Variants in MAPRE2 observed in about 807,000 individuals in gnomAD.
MAPRE2 encodes microtubule-associated protein RP/EB family member 2.
A neutral mutation model predicts 43.2 loss-of-function variants in MAPRE2; 13 were observed. That is an observed-to-expected ratio of 0.30 (90% CI 0.20 to 0.48). The LOEUF (loss-of-function observed/expected upper bound fraction) is 0.48, where lower values mean the gene tolerates loss of function less well. Among genes scored for constraint, MAPRE2 ranks in the 20% least tolerant of loss-of-function variants. MAPRE2 has a pLI of 0.99. For synonymous variants in MAPRE2, 135 were observed against 148.8 expected (o/e 0.91, Z 0.68); for missense variants, 161 against 400.2 (o/e 0.40, Z 5.10).
At chr18:34,985,541 T>C (rs1222803931) in intron 1 of MAPRE2, among the ~76,000 whole-genome samples, 2 of 64,432 alleles carry the variant, frequency 3.1e-5, no homozygotes, top group African/African-American at 6.7e-5. Flanking sequence ...ATATAATATA[T>C]AATATATATA....
intron 1 of MAPRE2, among the ~76,000 whole-genome samples, chr18:35,002,879 G>A (rs1383982596): frequency 6.6e-6 from 1 of 152,018 alleles, no homozygotes; most frequent in African/African-American, 2.4e-5. Flanking sequence ...CTTCACATGG[G>A]CAAAAGTTTT....
At chr18:34,978,644 C>T in intron 1 of MAPRE2, 2 of 993,504 alleles carry the variant, frequency 2.0e-6, no homozygotes, top group Non-Finnish European at 3.1e-6. Context: ...TAGCCAGTGT[C>T]CCCTCTGGAA....
chr18:35,110,427 A>G (rs548511885), intron 4 of MAPRE2, among the ~76,000 whole-genome samples: 1 of 152,242 alleles, frequency 6.6e-6, no homozygotes, highest in Admixed American at 6.5e-5. Flanking sequence ...TGGCTACTAG[A>G]AAACTTATGT....
intron 2 of MAPRE2, among the ~76,000 whole-genome samples, chr18:35,029,939 T>C (rs1464374496): frequency 1.3e-5 from 2 of 152,242 alleles, no homozygotes; most frequent in Non-Finnish European, 2.9e-5. Context: ...GATTGTAGCT[T>C]TGAATACAAA....
At chr18:35,122,659 T>C (rs1909732488) in intron 4 of MAPRE2, among the ~76,000 whole-genome samples, 1 of 152,220 alleles carries the variant, frequency 6.6e-6, no homozygotes, top group Non-Finnish European at 1.5e-5. Context: ...AAGCGGTGCT[T>C]CCATCCCACA....
intron 2 of MAPRE2, among the ~76,000 whole-genome samples, chr18:35,096,634 A>G (rs1024297055): frequency 6.6e-5 from 10 of 152,116 alleles, no homozygotes; most frequent in African/African-American, 2.4e-4. Context: ...TTCATACTTC[A>G]TGTTAATATG....
intron 2 of MAPRE2, among the ~76,000 whole-genome samples, chr18:35,096,927 T>C (rs1341201828): frequency 2.6e-5 from 4 of 152,200 alleles, no homozygotes; most frequent in Admixed American, 1.3e-4. Context: ...TGGTATTTTG[T>C]AAATACCACA....
chr18:35,092,611 T>C lies in MAPRE2; in HGVS notation c.251-4835T>C, dbSNP rs1218371272. Among the ~76,000 whole-genome samples, 5 of 151,944 alleles carry C rather than the reference T, an allele frequency of 3.3e-5. No individual in the cohort carries two copies. In the East Asian group the frequency reaches 9.7e-4, roughly 29 times the overall value. On this transcript the variant is annotated intron_variant, in intron 2 of 6. Transcript: ENST00000300249. ...GCTAACAAAAGCAAAAATAGACAAA[T>C]AGGATTATATCGAACAAAAAAACTC...
chr18:35,117,979 C>G (rs1191339950), intron 4 of MAPRE2, among the ~76,000 whole-genome samples: 1 of 152,004 alleles, frequency 6.6e-6, no homozygotes, highest in African/African-American at 2.4e-5. Context: ...CAGAGTGACT[C>G]AAGCAGAGCC....
intron 2 of MAPRE2, among the ~76,000 whole-genome samples, chr18:35,035,592 C>A (rs909830516): frequency 2.0e-5 from 3 of 151,570 alleles, no homozygotes; most frequent in African/African-American, 7.3e-5. Context: ...ATGTGTCTGA[C>A]CTGAAACCCA....
chr18:35,069,425 T>C (rs73946509), intron 1 of MAPRE2, among the ~76,000 whole-genome samples: 5,538 of 152,062 alleles, frequency 0.036, 199 homozygotes, highest in African/African-American at 0.091. Flanking sequence ...GAAACACTTA[T>C]AGGTGAAATT....
chr18:35,024,091 G>A (rs537395996), intron 2 of MAPRE2, among the ~76,000 whole-genome samples: 3 of 152,116 alleles, frequency 2.0e-5, no homozygotes, highest in African/African-American at 2.4e-5. Flanking sequence ...TAAACAAAGC[G>A]TTGATGCTTC....
At chr18:35,091,697 G>A (rs868810782) in intron 2 of MAPRE2, among the ~76,000 whole-genome samples, 13 of 151,964 alleles carry the variant, frequency 8.6e-5, no homozygotes, top group Admixed American at 2.6e-4. Context: ...GGCAATGAGT[G>A]GGCTATCCCA....
intron 1 of MAPRE2, among the ~76,000 whole-genome samples, chr18:34,987,475 A>G (rs891454699): frequency 6.6e-6 from 1 of 152,202 alleles, no homozygotes; most frequent in Non-Finnish European, 1.5e-5. Context: ...TTTTCCACAC[A>G]TTAAATTGGT....
At chr18:35,123,339 G>A (rs1909771429) in intron 4 of MAPRE2, among the ~76,000 whole-genome samples, 1 of 152,132 alleles carries the variant, frequency 6.6e-6, no homozygotes, top group Non-Finnish European at 1.5e-5. Flanking sequence ...CCAGATACCA[G>A]AACATGAGTG....
At chr18:35,084,699 C>G (rs956754559) in intron 2 of MAPRE2, among the ~76,000 whole-genome samples, 1 of 152,210 alleles carries the variant, frequency 6.6e-6, no homozygotes, top group Non-Finnish European at 1.5e-5. Flanking sequence ...TTCCTGCTGG[C>G]TATTACTCCT....
chr18:35,021,063 C>T (rs1008605780), intron 2 of MAPRE2, among the ~76,000 whole-genome samples: 2 of 152,098 alleles, frequency 1.3e-5, no homozygotes, highest in Non-Finnish European at 2.9e-5. Context: ...AAAGGACATT[C>T]CAGGCGAGAA....
intron 2 of MAPRE2, among the ~76,000 whole-genome samples, chr18:35,087,214 A>G (rs1406042925): frequency 1.3e-5 from 2 of 152,156 alleles, no homozygotes; most frequent in African/African-American, 4.8e-5. Flanking sequence ...ACTGAAACCA[A>G]TCTTAGGGCT....
At chr18:35,077,472 A>C (rs1357152524) in intron 2 of MAPRE2, among the ~76,000 whole-genome samples, 3 of 152,222 alleles carry the variant, frequency 2.0e-5, no homozygotes, top group Admixed American at 6.5e-5. Flanking sequence ...CCTGCCCCCA[A>C]GCCATGAATA....
Sources: gnomAD v4.1 joint callset for allele counts (sites outside exome capture counted in the v4.1 genomes callset) on GRCh38, gnomAD v4.1.1 for gene constraint, MANE v1.5 for transcripts, NCBI Gene and HGNC (gene_info 2026-07-23, HGNC 2026-07-21) for gene names.